Variants in KCNIP4 observed in about 807,000 individuals in gnomAD.
KCNIP4 encodes Kv channel-interacting protein 4.
Under a neutral mutation model 34.0 loss-of-function variants are expected in KCNIP4, and 12 were observed. The observed-to-expected ratio is 0.35, with a 90% CI of 0.23 to 0.57. The LOEUF (loss-of-function observed/expected upper bound fraction) is 0.57. Ranked by LOEUF, KCNIP4 falls within the 20% of genes least tolerant of loss-of-function variation. The pLI is 0.83. For missense variants in KCNIP4, 238 were observed against 311.7 expected (o/e 0.76, Z 1.78); for synonymous variants, 124 against 102.2 (o/e 1.21, Z -1.29).
chr4:21,373,897 G>T (rs1390260510), intron 1 of KCNIP4, among the ~76,000 whole-genome samples: 2 of 146,354 alleles, frequency 1.4e-5, no homozygotes, highest in Non-Finnish European at 2.9e-5. Context: ...TAGAGATGGG[G>T]TTTCACCATA....
At chr4:21,921,794 A>C (rs1021372625) in intron 1 of KCNIP4, among the ~76,000 whole-genome samples, 1 of 152,010 alleles carries the variant, frequency 6.6e-6, no homozygotes, top group Non-Finnish European at 1.5e-5. Context: ...TAATCTCCTA[A>C]CTCATCCTCC....
intron 1 of KCNIP4, among the ~76,000 whole-genome samples, chr4:21,031,881 T>C (rs758094911): frequency 3.9e-5 from 6 of 152,152 alleles, no homozygotes; most frequent in Non-Finnish European, 7.4e-5. Context: ...AGATAGAAAA[T>C]ATTTTAGGAA....
chr4:21,947,020 C>T (rs1338405423), intron 1 of KCNIP4, among the ~76,000 whole-genome samples: 1 of 152,204 alleles, frequency 6.6e-6, no homozygotes, highest in African/African-American at 2.4e-5. Context: ...GCTGTGGTCA[C>T]TGAGGAGCCA....
intron 1 of KCNIP4, among the ~76,000 whole-genome samples, chr4:21,786,879 T>C (rs984270970): frequency 1.3e-5 from 2 of 152,096 alleles, no homozygotes; most frequent in African/African-American, 4.8e-5. Flanking sequence ...GTAACTCTTT[T>C]AGCCTCTATC....
At chr4:21,261,608 G>T (rs925636578) in intron 1 of KCNIP4, among the ~76,000 whole-genome samples, 1 of 152,066 alleles carries the variant, frequency 6.6e-6, no homozygotes, top group Non-Finnish European at 1.5e-5. Context: ...GTTTCATCCA[G>T]TCTCACTAAT....
At chr4:21,237,602 C>T (rs1759463393) in intron 1 of KCNIP4, among the ~76,000 whole-genome samples, 1 of 152,120 alleles carries the variant, frequency 6.6e-6, no homozygotes, top group Admixed American at 6.6e-5. Context: ...CTATAAACAC[C>T]TCTATGCAAA....
In KCNIP4 at chr4:21,572,633, CT is replaced by C. The variant is rs71655642; in HGVS notation, c.61+375937del. 7.7e-3 allele frequency among the ~76,000 whole-genome samples: 1,078 copies of C among 140,604 alleles called. 8 individuals carry two copies. Among genetic ancestry groups the C allele is most frequent in the African/African-American group, 0.017 (637 of 38,266 alleles). The allele number at this position is 140,604 out of a possible 152,430, so 92.2% of individuals were successfully genotyped here. A position where few individuals can be genotyped will look rare whatever the true frequency, so the allele number is the denominator to read the frequency against. ...GCATGGATCCACAAAGATCTCTCAT[CT>C]TTTTTTTTTTTTTTTGAGACTTGCT... is the stretch of plus-strand genomic sequence containing the variant. On this transcript the variant is annotated intron_variant, in intron 1 of 8. Transcript: ENST00000382152.
chr4:20,742,848 A>G (rs1294049325), intron 5 of KCNIP4, among the ~76,000 whole-genome samples: 2 of 152,198 alleles, frequency 1.3e-5, no homozygotes, highest in African/African-American at 4.8e-5. Flanking sequence ...CCTTAAACTG[A>G]TAAGCAACTT....
At chr4:21,192,072 T>G (rs1755688097) in intron 1 of KCNIP4, among the ~76,000 whole-genome samples, 1 of 152,210 alleles carries the variant, frequency 6.6e-6, no homozygotes. Context: ...ATAACTTGTT[T>G]GAGACACTTA....
chr4:21,385,602 C>A (rs1464932661), intron 1 of KCNIP4, among the ~76,000 whole-genome samples: 1 of 152,074 alleles, frequency 6.6e-6, no homozygotes, highest in Non-Finnish European at 1.5e-5. Flanking sequence ...TTGCGAATAG[C>A]AAAAGGATTC....
At chr4:21,376,752 G>C (rs1171746328) in intron 1 of KCNIP4, among the ~76,000 whole-genome samples, 1 of 152,172 alleles carries the variant, frequency 6.6e-6, no homozygotes, top group African/African-American at 2.4e-5. Flanking sequence ...CATATCCCAA[G>C]ACCAGGCACA....
chr4:20,747,426 G>A (rs1474277455), intron 5 of KCNIP4, among the ~76,000 whole-genome samples: 1 of 152,116 alleles, frequency 6.6e-6, no homozygotes, highest in East Asian at 1.9e-4. Flanking sequence ...TGTTTCTAAA[G>A]TGAAGCAAAC....
At chr4:21,074,243 A>T (rs143854147) in intron 1 of KCNIP4, among the ~76,000 whole-genome samples, 3,549 of 152,150 alleles carry the variant, frequency 0.023, 124 homozygotes, top group African/African-American at 0.08. Flanking sequence ...TCTGGTAGAA[A>T]TCGGCTGTGA....
chr4:21,720,695 A>T (rs1423920158), intron 1 of KCNIP4, among the ~76,000 whole-genome samples: 1 of 56,286 alleles, frequency 1.8e-5, no homozygotes. Context: ...CCCACCCCAC[A>T]ACAGGCCCCA....
chr4:20,887,302 G>A (rs901520002), intron 1 of KCNIP4, among the ~76,000 whole-genome samples: 2 of 151,646 alleles, frequency 1.3e-5, no homozygotes, highest in Non-Finnish European at 2.9e-5. Flanking sequence ...AACATAATGA[G>A]AGGTGAGATA....
At chr4:21,703,015 C>A (rs1400868313) in intron 1 of KCNIP4, among the ~76,000 whole-genome samples, 1 of 151,120 alleles carries the variant, frequency 6.6e-6, no homozygotes, top group Non-Finnish European at 1.5e-5. Context: ...TGATTATATT[C>A]ACTGATGCAA....
chr4:21,202,746 C>A (rs1475704852), intron 1 of KCNIP4, among the ~76,000 whole-genome samples: 1 of 152,154 alleles, frequency 6.6e-6, no homozygotes, highest in Non-Finnish European at 1.5e-5. Flanking sequence ...TTCCTCTATG[C>A]TCAATGGATC....
At chr4:21,619,650 T>C (rs766543860) in intron 1 of KCNIP4, among the ~76,000 whole-genome samples, 13 of 152,232 alleles carry the variant, frequency 8.5e-5, no homozygotes, top group Non-Finnish European at 1.6e-4. Flanking sequence ...GCTCCCTTTG[T>C]TGATTGTATT....
Position 21,728,047 on chromosome 4 carries a change from CT to C in KCNIP4, c.61+220523del, listed in dbSNP as rs1356423625. ...CTTACACTTTCTGTCTTCTGGACTCCTGTCTTTCAAATCTCAGCCTCTTTTC... is the reference window on the plus strand; with the variant it reads ...CTTACACTTTCTGTCTTCTGGACTCCGTCTTTCAAATCTCAGCCTCTTTTC... On this transcript the variant is annotated intron_variant, in intron 1 of 8. Transcript: ENST00000382152. 4.6e-5 allele frequency among the ~76,000 whole-genome samples: 7 copies of C among 152,084 alleles called. No individual in the cohort carries two copies. The East Asian group carries it at 1.2e-3, about 25-fold the overall frequency.
Sources: allele counts gnomAD v4.1 joint callset (sites outside exome capture counted in the v4.1 genomes callset), GRCh38; gene constraint gnomAD v4.1.1; transcripts MANE v1.5; gene names NCBI Gene and HGNC (gene_info 2026-07-23, HGNC 2026-07-21).